Variants in HELB observed in about 807,000 individuals in gnomAD.
The protein encoded by HELB is DNA 5'-3' helicase B.
HELB carries 96 observed loss-of-function variants against 101.7 expected under a neutral mutation model. The ratio of observed to expected loss-of-function variants is 0.94; its 90% CI spans 0.80 to 1.12. The LOEUF is 1.12. HELB is among the 50% of genes most tolerant of loss of function. The pLI is 0.00. For synonymous variants in HELB, 437 were observed against 459.7 expected (o/e 0.95, Z 0.63); for missense variants, 1,210 against 1,291.9 (o/e 0.94, Z 0.97).
At chr12:66,314,895 T>C (rs1214578482) in intron 5 of HELB, among the ~76,000 whole-genome samples, 1 of 152,140 alleles carries the variant, frequency 6.6e-6, no homozygotes, top group Admixed American at 6.5e-5. Flanking sequence ...TTATATTTTG[T>C]ACACTTATTT....
At chr12:66,307,189 TG>T (rs1340964162) in intron 3 of HELB, among the ~76,000 whole-genome samples, 8 of 152,322 alleles carry the variant, frequency 5.3e-5, no homozygotes, top group Admixed American at 5.2e-4. Context: ...CAAGAATGTT[TG>T]CAGATGCTGA....
chr12:66,318,799 A>G lies in HELB; in HGVS notation c.2155+7A>G, dbSNP rs1388540844. On this transcript the variant is annotated splice_region_variant and intron_variant, in intron 7 of 12. Coordinates refer to ENST00000247815, the MANE Select transcript of HELB (RefSeq NM_001370285.1). ...AAAACTAATCATCACTCTTGTAAGT[A>G]TAAACTTCTATGAGATGTAGAGTTA... The G allele has an allele frequency of 6.3e-7, 1 of 1,590,020 alleles. No individual in the cohort carries two copies. Among genetic ancestry groups the G allele is most frequent in the South Asian group, 1.2e-5 (1 of 86,560 alleles).
At chr12:66,320,415 T>C (rs957849738) in intron 7 of HELB, among the ~76,000 whole-genome samples, 7 of 152,178 alleles carry the variant, frequency 4.6e-5, no homozygotes, top group Non-Finnish European at 1.0e-4. Flanking sequence ...TTTTGTGACT[T>C]AGAAATGTAT....
At position 66,315,227 on chromosome 12, in the gene HELB, C is replaced by CT. The variant is rs2053590587; in HGVS notation, c.1859-8dup. The CT allele has an allele frequency of 3.3e-6, 5 of 1,531,434 alleles. No individual in the cohort carries two copies. The highest frequency in any genetic ancestry group is 2.6e-5 in the South Asian group (2 of 77,992). The allele number at this position is 1,531,434 out of a possible 1,614,324, so 94.9% of individuals were successfully genotyped here. A position where few individuals can be genotyped will look rare whatever the true frequency, so the allele number is the denominator to read the frequency against. On this transcript the variant is annotated splice_polypyrimidine_tract_variant and intron_variant, in intron 5 of 12. Coordinates refer to ENST00000247815, the MANE Select transcript of HELB (RefSeq NM_001370285.1). The stretch of plus-strand genomic sequence containing the variant: ...CTCAGAGTAAGTCTTGCTACTGTAT[C>CT]TTTTTTTCTTTTAGGTGACATTAGA...
chr12:66,310,703 C>G, intron 4 of HELB, 95 bp downstream of exon 4: 1 of 1,113,494 alleles, frequency 9.0e-7, no homozygotes, highest in Non-Finnish European at 1.3e-6. Context: ...GAGACTGAGG[C>G]GGGCAGATCA....
chr12:66,314,210 G>A (rs747789174), intron 5 of HELB, 47 bp downstream of exon 5: 2 of 1,556,470 alleles, frequency 1.3e-6, no homozygotes, highest in Non-Finnish European at 1.8e-6. Flanking sequence ...TCAAAGTATT[G>A]TGGTTAGTTG....
At chr12:66,313,731 A>G (rs2053568530) in intron 4 of HELB, among the ~76,000 whole-genome samples, 1 of 152,180 alleles carries the variant, frequency 6.6e-6, no homozygotes, top group African/African-American at 2.4e-5. Flanking sequence ...GGAATGGAAA[A>G]GAATAGGGAG....
Position 66,333,046 on chromosome 12 carries a change from G to A in HELB, c.3162+1401G>A, listed in dbSNP as rs1001428602. 2.6e-5 allele frequency among the ~76,000 whole-genome samples: 4 copies of A among 151,804 alleles called. No individual in the cohort carries two copies. In the South Asian group the frequency reaches 8.3e-4, roughly 32 times the overall value. On this transcript the variant is annotated intron_variant, in intron 12 of 12. Transcript: ENST00000247815. ...ATTCAGCATTTGAAAAAAACATTTA[G>A]CAAAACATTGAAAAAATAAAAATAA...
chr12:66,307,766 T>C lies in HELB; in HGVS notation c.777+1252T>C, dbSNP rs1005832899. 2.1e-4 allele frequency among the ~76,000 whole-genome samples: 32 copies of C among 151,434 alleles called. 1 individual carries two copies. The highest frequency in any genetic ancestry group is 1.5e-3 in the South Asian group (7 of 4,808). On this transcript the variant is annotated intron_variant, in intron 3 of 12. Transcript: ENST00000247815. ...CCCCTTTTCTTTTCTTTTTTTTTTT[T>C]TCCCACCCAGCCTGGAGTGCAATGG...
At chr12:66,342,409 C>T (rs944969847), downstream of HELB, 1 of 148,742 alleles carries the variant, frequency 6.7e-6, no homozygotes, top group African/African-American at 2.5e-5. Flanking sequence ...GAGTCTTGCC[C>T]TGTTGCCTAG....
At chr12:66,303,107 TA>T (rs34264841) in intron 1 of HELB, among the ~76,000 whole-genome samples, 48,176 of 127,290 alleles carry the variant, frequency 0.38, 10,353 homozygotes, top group Middle Eastern at 0.52. Flanking sequence ...TTTTTTTTTT[TA>T]AAATTATTCT....
Position 66,314,110 on chromosome 12 carries a change from C to T in HELB, c.1805C>T (p.Ser602Leu), listed in dbSNP as rs764748383. Reference sequence around the variant, plus strand: ...TTGGTATCTGTAGGAATCTTCAAATCGGTCTTAAATTTATTGTGTGAGCAC... The same window carrying T: ...TTGGTATCTGTAGGAATCTTCAAATTGGTCTTAAATTTATTGTGTGAGCAC... ...GSLVSVGIFK[S>L]VLNLLCEHSK... The change falls in exon 5 of 13, where the codon TCG (serine) becomes TTG (leucine). Residue 602 changes from serine (S) to leucine (L), a missense_variant. Physicochemically the swap from Ser to Leu is moderately radical, Grantham distance 145. This residue lies in a region of HELB where 740 missense variants were observed against 728.8 expected (regional missense o/e 1.02). Transcript: ENST00000247815. 3.1e-6 allele frequency: 5 copies of T among 1,613,708 alleles called. No individual in the cohort carries two copies. The highest frequency in any genetic ancestry group is 2.2e-5 in the East Asian group (1 of 44,852).
At chr12:66,339,096 CAT>C (rs1282953513), downstream of HELB, 1 of 152,148 alleles carries the variant, frequency 6.6e-6, no homozygotes, top group African/African-American at 2.4e-5. Context: ...GGACACTAAA[CAT>C]GTGAGAGTTA....
At chr12:66,330,174 C>T (rs772838036) in intron 11 of HELB, among the ~76,000 whole-genome samples, 8 of 152,142 alleles carry the variant, frequency 5.3e-5, no homozygotes, top group South Asian at 2.1e-4. Flanking sequence ...GCACTGGATC[C>T]GCTGACTCAG....
chr12:66,304,765 T>G lies in HELB; in HGVS notation c.222T>G (p.Cys74Trp), dbSNP rs766686609. 1.1e-5 allele frequency: 17 copies of G among 1,613,570 alleles called. No homozygotes were observed. The highest frequency in any genetic ancestry group is 1.2e-5 in the Non-Finnish European group (14 of 1,179,804). ...GTGATGAAAACACACAAGAGACATG[T>G]AAAGTGTTTGGACGTTTTCCGATAA... Reference protein sequence around the residue: ...SICDENTQETCKVFGRFPITG... With the variant: ...SICDENTQETWKVFGRFPITG... The change falls in exon 2 of 13, where the codon TGT (cysteine) becomes TGG (tryptophan). Residue 74 changes from cysteine to tryptophan, a missense_variant. By Grantham distance (215) the Cys-to-Trp change is radical (BLOSUM62 -2). Coordinates refer to ENST00000247815, the MANE Select transcript of HELB (RefSeq NM_001370285.1).
intron 12 of HELB, 61 bp from the exon 13 acceptor site, chr12:66,337,940 C>T (rs1267820778): frequency 8.5e-6 from 8 of 938,916 alleles, no homozygotes; most frequent in African/African-American, 3.3e-5. Context: ...AATACAAGTA[C>T]GTAGGGTAGA....
At chr12:66,304,685 A>T in intron 1 of HELB, 46 bp from the exon 2 acceptor site, 1 of 1,520,138 alleles carries the variant, frequency 6.6e-7, no homozygotes, top group Non-Finnish European at 8.9e-7. Flanking sequence ...GTTTCTAAAT[A>T]ATCTCCAGAG....
chr12:66,302,988 T>G (rs188677007), intron 1 of HELB, among the ~76,000 whole-genome samples, 198 bp downstream of exon 1: 20 of 147,634 alleles, frequency 1.4e-4, no homozygotes, highest in African/African-American at 4.8e-4. Flanking sequence ...CTATGTGGTT[T>G]TTTTTTTTTT....
At chr12:66,329,731 A>G (rs563158046) in intron 11 of HELB, among the ~76,000 whole-genome samples, 2 of 152,272 alleles carry the variant, frequency 1.3e-5, no homozygotes, top group East Asian at 3.9e-4. Flanking sequence ...TAATGAGACC[A>G]TTAAGTATTA....
Sources: allele counts gnomAD v4.1 joint callset (sites outside exome capture counted in the v4.1 genomes callset), GRCh38; gene constraint gnomAD v4.1.1; regional missense constraint gnomAD v4.1.1; transcripts MANE v1.5; gene names NCBI Gene and HGNC (gene_info 2026-07-23, HGNC 2026-07-21).